ELMO1: variants seen among roughly 807,000 people sequenced by gnomAD.
ELMO1 encodes engulfment and cell motility protein 1.
Under a neutral mutation model 98.9 loss-of-function variants are expected in ELMO1, and 26 were observed. The ratio of observed to expected loss-of-function variants is 0.26; its 90% CI spans 0.19 to 0.36. ELMO1 has a LOEUF of 0.36. Among genes scored for constraint, ELMO1 ranks in the 10% least tolerant of loss-of-function variants. ELMO1 has a pLI of 1.00. For missense variants in ELMO1, 627 were observed against 935.2 expected (o/e 0.67, Z 4.30); for synonymous variants, 346 against 346.0 (o/e 1.00, Z 0.00).
chr7:37,151,272 C>A (rs780398643), intron 13 of ELMO1, among the ~76,000 whole-genome samples: 20 of 152,206 alleles, frequency 1.3e-4, no homozygotes, highest in South Asian at 2.1e-4. Context: ...CTTTAAAAAA[C>A]CCCCATCCTT....
In ELMO1 at chr7:37,369,327, A is replaced by T. The variant is rs181474969; in HGVS notation, c.-73-26564T>A. ...GTATTTGCATTATACCTACTGGCTG[A>T]GCATCCCTAATCCAAAAATCTGAAA... is the stretch of plus-strand genomic sequence containing the variant. On this transcript the variant is annotated intron_variant, in intron 1 of 21. Coordinates refer to ENST00000310758, the MANE Select transcript of ELMO1 (RefSeq NM_014800.11). Among the ~76,000 whole-genome samples, 348 of 152,280 alleles carry T rather than the reference A, an allele frequency of 2.3e-3. 2 individuals are homozygous for T. The highest frequency in any genetic ancestry group is 7.8e-3 in the African/African-American group (324 of 41,550).
intron 16 of ELMO1, among the ~76,000 whole-genome samples, chr7:37,001,616 G>C (rs1196711742): frequency 6.6e-6 from 1 of 152,164 alleles, no homozygotes; most frequent in Non-Finnish European, 1.5e-5. Flanking sequence ...ATAAATAAAA[G>C]GGAGATGGTA....
At chr7:37,317,863 G>A (rs562745827) in intron 2 of ELMO1, among the ~76,000 whole-genome samples, 67 of 152,212 alleles carry the variant, frequency 4.4e-4, no homozygotes, top group African/African-American at 1.3e-3. Context: ...AATGCTTGAC[G>A]GGATAGATAC....
chr7:36,953,555 G>A (rs1788174682), intron 16 of ELMO1, among the ~76,000 whole-genome samples: 1 of 152,096 alleles, frequency 6.6e-6, no homozygotes, highest in Admixed American at 6.5e-5. Context: ...TTCTAAGCAT[G>A]GTTGTAATAT....
intron 15 of ELMO1, among the ~76,000 whole-genome samples, chr7:37,032,614 A>G (rs1178942268): frequency 1.3e-5 from 2 of 152,196 alleles, no homozygotes; most frequent in Non-Finnish European, 2.9e-5. Flanking sequence ...GGAGAGAGAC[A>G]TTCTCCAAAA....
intron 15 of ELMO1, among the ~76,000 whole-genome samples, chr7:37,020,884 C>T (rs1204867553): frequency 6.6e-6 from 1 of 152,120 alleles, no homozygotes; most frequent in Admixed American, 6.6e-5. Flanking sequence ...GCATTTAACA[C>T]AGAAAACCTG....
chr7:37,291,275 A>G (rs533179677), intron 4 of ELMO1, among the ~76,000 whole-genome samples: 1 of 152,354 alleles, frequency 6.6e-6, no homozygotes, highest in South Asian at 2.1e-4. Flanking sequence ...ATAAAACACA[A>G]GAGAATCTCT....
chr7:37,423,501 AC>A (rs770078270), intron 1 of ELMO1, among the ~76,000 whole-genome samples: 6 of 152,104 alleles, frequency 3.9e-5, no homozygotes, highest in Admixed American at 6.6e-5. Flanking sequence ...AATCGCTTGA[AC>A]CCGGGAGGCG....
chr7:37,181,650 A>C (rs2129996702), intron 13 of ELMO1, among the ~76,000 whole-genome samples: 1 of 152,326 alleles, frequency 6.6e-6, no homozygotes, highest in African/African-American at 2.4e-5. Flanking sequence ...AAAAGAAAGC[A>C]GGAATGTATT....
At chr7:37,005,669 G>A (rs944598947) in intron 16 of ELMO1, among the ~76,000 whole-genome samples, 5 of 138,890 alleles carry the variant, frequency 3.6e-5, no homozygotes, top group Admixed American at 2.3e-4. Flanking sequence ...TCCAGCCTGG[G>A]TGACAAGAGC....
intron 1 of ELMO1, among the ~76,000 whole-genome samples, chr7:37,361,913 G>A (rs191727685): frequency 1.1e-3 from 169 of 152,246 alleles, no homozygotes; most frequent in Non-Finnish European, 2.0e-3. Context: ...AGTGAGCAGA[G>A]GTTGCACCAC....
chr7:37,151,394 T>G (rs976183141), intron 13 of ELMO1, among the ~76,000 whole-genome samples: 2 of 152,000 alleles, frequency 1.3e-5, no homozygotes, highest in African/African-American at 4.8e-5. Context: ...AATCAATTCA[T>G]CACCAACTGG....
chr7:36,944,874 A>G (rs1229171879), intron 16 of ELMO1, among the ~76,000 whole-genome samples: 1 of 152,222 alleles, frequency 6.6e-6, no homozygotes, highest in East Asian at 1.9e-4. Context: ...AATTAGAGCT[A>G]GAAGGGGCTG....
At chr7:36,886,444 C>A (rs1805018314) in intron 18 of ELMO1, among the ~76,000 whole-genome samples, 1 of 152,174 alleles carries the variant, frequency 6.6e-6, no homozygotes, top group African/African-American at 2.4e-5. Flanking sequence ...AGCTGACAAA[C>A]ACAAAATGAT....
chr7:37,280,400 G>T (rs567823587), intron 4 of ELMO1, among the ~76,000 whole-genome samples: 1 of 152,224 alleles, frequency 6.6e-6, no homozygotes, highest in South Asian at 2.1e-4. Context: ...GGAACAGTCA[G>T]CAGAGTAAAC....
At chr7:37,103,521 G>A (rs1173735090) in intron 14 of ELMO1, among the ~76,000 whole-genome samples, 1 of 120,684 alleles carries the variant, frequency 8.3e-6, no homozygotes, top group East Asian at 3.0e-4. Context: ...GCCTGTTGTG[G>A]GGTGGGGGGA....
chr7:37,394,248 G>A (rs185627624), intron 1 of ELMO1, among the ~76,000 whole-genome samples: 12 of 152,264 alleles, frequency 7.9e-5, no homozygotes, highest in Admixed American at 7.8e-4. Context: ...CAGGTGGAGG[G>A]GGAAGCAGTC....
intron 16 of ELMO1, among the ~76,000 whole-genome samples, chr7:36,903,263 C>T (rs1020505113): frequency 6.6e-6 from 1 of 152,194 alleles, no homozygotes; most frequent in African/African-American, 2.4e-5. Context: ...AAGCCTAGGC[C>T]TAGATGTTAC....
intron 2 of ELMO1, among the ~76,000 whole-genome samples, chr7:37,318,363 C>T (rs1562608976): frequency 6.6e-6 from 1 of 152,134 alleles, no homozygotes; most frequent in Non-Finnish European, 1.5e-5. Flanking sequence ...ACATAAATAA[C>T]GGAGCCAGGT....
Sources: gnomAD v4.1 joint callset for allele counts (sites outside exome capture counted in the v4.1 genomes callset) on GRCh38, gnomAD v4.1.1 for gene constraint, MANE v1.5 for transcripts, NCBI Gene and HGNC (gene_info 2026-07-23, HGNC 2026-07-21) for gene names.